Variants in HS6ST3 observed in about 807,000 individuals in gnomAD.
HS6ST3 encodes the protein heparan sulfate 6-O-sulfotransferase 3.
HS6ST3 carries 12 observed loss-of-function variants against 36.7 expected under a neutral mutation model. The observed-to-expected ratio is 0.33, with a 90% CI of 0.21 to 0.53. The LOEUF is 0.53. Among genes scored for constraint, HS6ST3 ranks in the 20% least tolerant of loss-of-function variants. The probability of loss-of-function intolerance (pLI) is 0.95; values close to 1 mark genes in which losing one functional copy is unlikely to be tolerated. For missense variants in HS6ST3, 584 were observed against 640.9 expected (o/e 0.91, Z 0.96); for synonymous variants, 240 against 257.5 (o/e 0.93, Z 0.65).
intron 1 of HS6ST3, among the ~76,000 whole-genome samples, chr13:96,595,769 T>C (rs910870380): frequency 6.6e-6 from 1 of 152,108 alleles, no homozygotes; most frequent in African/African-American, 2.4e-5. Flanking sequence ...TAACCTGTAT[T>C]CAAGTACACA....
intron 1 of HS6ST3, among the ~76,000 whole-genome samples, chr13:96,132,165 C>G (rs1397496865): frequency 8.0e-6 from 1 of 125,460 alleles, no homozygotes; most frequent in East Asian, 2.5e-4. Context: ...CACACACACA[C>G]ACACACAGAG....
At chr13:96,587,389 G>T (rs995339967) in intron 1 of HS6ST3, among the ~76,000 whole-genome samples, 7 of 151,972 alleles carry the variant, frequency 4.6e-5, no homozygotes, top group Admixed American at 4.6e-4. Context: ...TTGTTTTGGG[G>T]AGTGTTTTAG....
At chr13:96,596,460 T>C (rs1649526312) in intron 1 of HS6ST3, among the ~76,000 whole-genome samples, 1 of 152,148 alleles carries the variant, frequency 6.6e-6, no homozygotes, top group Non-Finnish European at 1.5e-5. Flanking sequence ...TGACTTCTTT[T>C]TCTTTAGGTA....
chr13:96,398,021 T>A (rs753352178), intron 1 of HS6ST3, among the ~76,000 whole-genome samples: 8 of 152,222 alleles, frequency 5.3e-5, no homozygotes, highest in African/African-American at 7.2e-5. Context: ...CAAGTTCTGC[T>A]TCTTTGCAGT....
intron 1 of HS6ST3, among the ~76,000 whole-genome samples, chr13:96,822,571 C>T (rs1389532976): frequency 1.3e-5 from 2 of 152,144 alleles, no homozygotes; most frequent in Non-Finnish European, 2.9e-5. Context: ...AAGGCAGCGA[C>T]GTGACAAGAT....
chr13:96,668,488 CCT>C (rs2056671655), intron 1 of HS6ST3, among the ~76,000 whole-genome samples: 1 of 152,020 alleles, frequency 6.6e-6, no homozygotes, highest in Non-Finnish European at 1.5e-5. Context: ...CTGCCCATAC[CCT>C]GTGAGGCAGC....
At chr13:96,410,131 G>A (rs563852035) in intron 1 of HS6ST3, among the ~76,000 whole-genome samples, 7 of 152,126 alleles carry the variant, frequency 4.6e-5, no homozygotes, top group South Asian at 2.1e-4. Flanking sequence ...TTTTGACTAC[G>A]CAAATATTTA....
At chr13:96,723,204 T>G (rs1875896382) in intron 1 of HS6ST3, among the ~76,000 whole-genome samples, 1 of 152,118 alleles carries the variant, frequency 6.6e-6, no homozygotes. Flanking sequence ...TTATGGCCAA[T>G]GAAATGAAAG....
intron 1 of HS6ST3, among the ~76,000 whole-genome samples, chr13:96,826,633 G>A (rs75095906): frequency 0.097 from 14,824 of 152,150 alleles, 952 homozygotes; most frequent in Non-Finnish European, 0.15. Context: ...CTGGTCCAGG[G>A]AAGATATGCA....
chr13:96,428,665 A>T lies in HS6ST3; in HGVS notation c.707+337096A>T, dbSNP rs371269927. Among the ~76,000 whole-genome samples, 8 of 152,272 alleles carry T rather than the reference A, an allele frequency of 5.3e-5. No individual in the cohort carries two copies. The South Asian group carries it at 8.3e-4, about 16-fold the overall frequency. On this transcript the variant is annotated intron_variant, in intron 1 of 1. Transcript: ENST00000376705. ...TTCAAATAATGTCAGGTACAAGGAGATAGGACTTCAATATATGAATTTGGG... is the reference window on the plus strand; with the variant it reads ...TTCAAATAATGTCAGGTACAAGGAGTTAGGACTTCAATATATGAATTTGGG...
At chr13:96,254,462 T>C (rs1261939946) in intron 1 of HS6ST3, among the ~76,000 whole-genome samples, 13 of 4,070 alleles carry the variant, frequency 3.2e-3, no homozygotes, top group South Asian at 0.028. Context: ...TATATATATA[T>C]ATATATATAT....
chr13:96,158,645 T>C (rs1594698382), intron 1 of HS6ST3, among the ~76,000 whole-genome samples: 1 of 83,908 alleles, frequency 1.2e-5, no homozygotes, highest in South Asian at 5.2e-4. Flanking sequence ...AGAGCGAGAC[T>C]CCGTCTCAAA....
intron 1 of HS6ST3, among the ~76,000 whole-genome samples, chr13:96,195,206 A>G (rs1426810778): frequency 1.3e-5 from 2 of 152,206 alleles, no homozygotes; most frequent in Non-Finnish European, 2.9e-5. Context: ...ACAGACCCAC[A>G]TAGGAAATTA....
At chr13:96,529,155 T>C (rs2056126048) in intron 1 of HS6ST3, among the ~76,000 whole-genome samples, 2 of 152,272 alleles carry the variant, frequency 1.3e-5, no homozygotes, top group South Asian at 4.1e-4. Context: ...TAAGGAGTCC[T>C]TGAAGCCAAA....
chr13:96,130,929 CA>C (rs2053972403), intron 1 of HS6ST3, among the ~76,000 whole-genome samples: 1 of 152,108 alleles, frequency 6.6e-6, no homozygotes, highest in African/African-American at 2.4e-5. Flanking sequence ...CCCATTTTGC[CA>C]AACCCTAAGA....
intron 1 of HS6ST3, among the ~76,000 whole-genome samples, chr13:96,651,138 T>C (rs897333526): frequency 5.5e-4 from 84 of 152,116 alleles, no homozygotes; most frequent in African/African-American, 2.0e-3. Context: ...TCTTTCCTTC[T>C]AATTTTTCTA....
At chr13:96,594,221 T>C in intron 1 of HS6ST3, among the ~76,000 whole-genome samples, 1 of 152,068 alleles carries the variant, frequency 6.6e-6, no homozygotes, top group East Asian at 1.9e-4. Flanking sequence ...ATATGCCGGC[T>C]TGGCCTCCCA....
At chr13:96,513,392 G>A (rs748878430) in intron 1 of HS6ST3, among the ~76,000 whole-genome samples, 119 of 151,158 alleles carry the variant, frequency 7.9e-4, no homozygotes, top group Admixed American at 1.4e-3. Flanking sequence ...GCTCATTTGG[G>A]GTTTTCTTTT....
chr13:96,405,454 G>A (rs749253431), intron 1 of HS6ST3, among the ~76,000 whole-genome samples: 2 of 152,126 alleles, frequency 1.3e-5, no homozygotes, highest in African/African-American at 2.4e-5. Context: ...GTCCTTATCT[G>A]TTCATTTTTG....
Sources: gnomAD v4.1 joint callset for allele counts (sites outside exome capture counted in the v4.1 genomes callset) on GRCh38, gnomAD v4.1.1 for gene constraint, MANE v1.5 for transcripts, NCBI Gene and HGNC (gene_info 2026-07-23, HGNC 2026-07-21) for gene names.